Variants in NSD1 observed in about 807,000 individuals in gnomAD.
NSD1 encodes nuclear receptor binding SET domain protein 1.
A neutral mutation model predicts 242.7 loss-of-function variants in NSD1; 26 were observed. The ratio of observed to expected loss-of-function variants is 0.11; its 90% confidence interval spans 0.08 to 0.15. The LOEUF (loss-of-function observed/expected upper bound fraction) is 0.15, where lower values mean the gene tolerates loss of function less well. NSD1 is among the 10% of genes least tolerant of loss of function. The probability of loss-of-function intolerance (pLI) is 1.00; values close to 1 mark genes in which losing one functional copy is unlikely to be tolerated. For missense variants in NSD1, 2,495 were observed against 3,272.8 expected (o/e 0.76, Z 5.80); for synonymous variants, 1,106 against 1,178.1 (o/e 0.94, Z 1.25).
At chr5:177,202,835 A>T (rs983121371) in intron 3 of NSD1, among the ~76,000 whole-genome samples, 3 of 149,154 alleles carry the variant, frequency 2.0e-5, no homozygotes, top group South Asian at 2.1e-4. Flanking sequence ...TAAGGAGTTC[A>T]TTTTTTTTTT....
upstream of NSD1, among the ~76,000 whole-genome samples, chr5:177,132,178 G>A (rs978912361): frequency 2.0e-5 from 3 of 152,076 alleles, no homozygotes; most frequent in African/African-American, 7.2e-5. This position sits in a 1 kb window ranked among gnomAD's most constrained non-coding sequence, Gnocchi z 7.5. Flanking sequence ...CCAGCCGGGC[G>A]GTCCCGTGTC....
At chr5:177,148,406 C>A (rs532920812) in intron 2 of NSD1, among the ~76,000 whole-genome samples, 1 of 151,956 alleles carries the variant, frequency 6.6e-6, no homozygotes, top group Non-Finnish European at 1.5e-5. Context: ...GCGTGAGCCA[C>A]GGCGCCCCGC....
At position 177,257,159 on chromosome 5, in the gene NSD1, T is replaced by C. The variant is rs1217423083; in HGVS notation, c.4966+8T>C. 1 of 1,610,484 alleles carries C rather than the reference T, an allele frequency of 6.2e-7. No individual in the cohort carries two copies. The highest frequency in any genetic ancestry group is 1.7e-5 in the Admixed American group (1 of 59,966). Reference sequence around the variant, plus strand: ...ATGTTTCTGCATCTAAAGGTATGGATTTCTTATGTGGACCAGTCTAATTGT... The same window carrying C: ...ATGTTTCTGCATCTAAAGGTATGGACTTCTTATGTGGACCAGTCTAATTGT... On this transcript the variant is annotated splice_region_variant and intron_variant, in intron 13 of 22. Coordinates refer to ENST00000439151, the MANE Select transcript of NSD1 (RefSeq NM_022455.5).
At chr5:177,193,839 A>G (rs1011854397) in intron 3 of NSD1, among the ~76,000 whole-genome samples, 8 of 151,914 alleles carry the variant, frequency 5.3e-5, no homozygotes, top group Admixed American at 4.6e-4. Flanking sequence ...CAGTGGCGCA[A>G]TTTCGGCTCA....
chr5:177,231,674 C>A (rs1253288836), intron 5 of NSD1, among the ~76,000 whole-genome samples: 1 of 152,132 alleles, frequency 6.6e-6, no homozygotes, highest in Non-Finnish European at 1.5e-5. Context: ...CCCACCTTGG[C>A]CTCCCAAAGT....
rs1015326473 is a variant in NSD1, at chr5:177,298,774, G to A, written c.*3315G>A. The A allele has an allele frequency of 1.6e-4, 37 of 233,166 alleles. No homozygotes were observed. Among genetic ancestry groups the A allele is most frequent in the Middle Eastern group, 1.2e-3 (1 of 808 alleles). 14.4% of individuals were successfully genotyped at this position (233,166 alleles called of 1,614,324 possible). A position where few individuals can be genotyped will look rare whatever the true frequency, so the allele number is the denominator to read the frequency against. Reference sequence around the variant, plus strand: ...TAATGTTGCCTCATGAGAACAGAATGGCAGAAAGTTTAGTCCTGACAGATT... The same window carrying A: ...TAATGTTGCCTCATGAGAACAGAATAGCAGAAAGTTTAGTCCTGACAGATT... On this transcript the variant is annotated 3_prime_UTR_variant, in exon 23 of 23. Transcript: ENST00000439151.
At chr5:177,161,874 C>G (rs1758786622) in intron 2 of NSD1, among the ~76,000 whole-genome samples, 1 of 151,992 alleles carries the variant, frequency 6.6e-6, no homozygotes, top group African/African-American at 2.4e-5. Context: ...TGTTCTTGAA[C>G]TCCTGGTTTC....
In NSD1 at chr5:177,298,394, A is replaced by G. The variant is rs1760382501; in HGVS notation, c.*2935A>G. 4.3e-6 allele frequency: 1 copy of G among 233,312 alleles called. No individual in the cohort carries two copies. Among genetic ancestry groups the G allele is most frequent in the Non-Finnish European group, 8.5e-6 (1 of 118,040 alleles). 14.5% of individuals were successfully genotyped at this position (233,312 alleles called of 1,614,324 possible). ...TTCTCCATGGGTAGCTAGAAAGCCAATACATCTAGCCCTGCTAAGTCAGAA... is the reference window on the plus strand; with the variant it reads ...TTCTCCATGGGTAGCTAGAAAGCCAGTACATCTAGCCCTGCTAAGTCAGAA... On this transcript the variant is annotated 3_prime_UTR_variant, in exon 23 of 23. Transcript: ENST00000439151.
intron 6 of NSD1, among the ~76,000 whole-genome samples, chr5:177,236,440 A>G (rs750091435): frequency 5.9e-5 from 9 of 152,186 alleles, no homozygotes; most frequent in Non-Finnish European, 1.3e-4. Flanking sequence ...TCTGACATCA[A>G]CTGTCTTTCA....
At chr5:177,141,319 CTTTTT>C (rs567992731) in intron 2 of NSD1, among the ~76,000 whole-genome samples, 2 of 97,036 alleles carry the variant, frequency 2.1e-5, no homozygotes, top group Non-Finnish European at 3.7e-5. Context: ...CGCGCGCAGC[CTTTTT>C]TTTTTTTTTT....
intron 3 of NSD1, among the ~76,000 whole-genome samples, chr5:177,196,662 G>T (rs1325714922): frequency 2.6e-5 from 4 of 152,164 alleles, no homozygotes; most frequent in African/African-American, 4.8e-5. Context: ...GTTCATATTA[G>T]TTGGAGCCAT....
intron 11 of NSD1, among the ~76,000 whole-genome samples, chr5:177,249,595 C>T (rs1307836036): frequency 6.6e-6 from 1 of 151,880 alleles, no homozygotes; most frequent in East Asian, 2.0e-4. Context: ...GCCTCCCATT[C>T]TCCTGCCTCA....
intron 4 of NSD1, among the ~76,000 whole-genome samples, chr5:177,205,006 G>C (rs1762774597): frequency 6.6e-6 from 1 of 152,066 alleles, no homozygotes; most frequent in South Asian, 2.1e-4. Flanking sequence ...AATTATTTCT[G>C]TTAATGAGAA....
intron 14 of NSD1, among the ~76,000 whole-genome samples, chr5:177,264,122 A>G (rs901489940): frequency 7.8e-6 from 1 of 128,900 alleles, no homozygotes; most frequent in African/African-American, 3.1e-5. Context: ...TGCAACCCCC[A>G]CCTCCCGGGT....
chr5:177,151,315 C>T (rs535981357), intron 2 of NSD1, among the ~76,000 whole-genome samples: 40 of 152,280 alleles, frequency 2.6e-4, no homozygotes, highest in African/African-American at 7.0e-4. Flanking sequence ...ACCCAGGAGA[C>T]GGAGGTTGCA....
intron 2 of NSD1, among the ~76,000 whole-genome samples, chr5:177,155,057 C>T (rs900008750): frequency 1.3e-5 from 2 of 150,298 alleles, no homozygotes; most frequent in Non-Finnish European, 3.0e-5. Flanking sequence ...GTGGTTTGAT[C>T]TCGGCTCACT....
At chr5:177,195,418 G>A (rs1255450695) in intron 3 of NSD1, among the ~76,000 whole-genome samples, 1 of 151,896 alleles carries the variant, frequency 6.6e-6, no homozygotes, top group Non-Finnish European at 1.5e-5. Flanking sequence ...TAACCTCCCT[G>A]TCCCTATGAC....
chr5:177,151,786 G>T (rs1671204077), intron 2 of NSD1, among the ~76,000 whole-genome samples: 1 of 151,788 alleles, frequency 6.6e-6, no homozygotes, highest in Non-Finnish European at 1.5e-5. Flanking sequence ...CAACCTCCCA[G>T]TCTCAAGCAA....
intron 2 of NSD1, among the ~76,000 whole-genome samples, chr5:177,185,758 A>T (rs1327515009): frequency 3.4e-5 from 3 of 87,000 alleles, no homozygotes; most frequent in African/African-American, 5.0e-5. Context: ...TATATAATAT[A>T]TTTTATATAT....
Sources: gnomAD v4.1 joint callset for allele counts (sites outside exome capture counted in the v4.1 genomes callset) on GRCh38, gnomAD v4.1.1 for gene constraint, Gnocchi (gnomAD v3.1) non-coding constraint, MANE v1.5 for transcripts, NCBI Gene and HGNC (gene_info 2026-07-23, HGNC 2026-07-21) for gene names.